GABRG3: variants seen among roughly 807,000 people sequenced by gnomAD.
The protein encoded by GABRG3 is gamma-aminobutyric acid type A receptor subunit gamma3.
GABRG3 carries 25 observed loss-of-function variants against 48.8 expected under a neutral mutation model. That is an observed-to-expected ratio of 0.51 (90% CI 0.37 to 0.72). The LOEUF (loss-of-function observed/expected upper bound fraction) is 0.72. Among genes scored for constraint, GABRG3 ranks in the 30% least tolerant of loss-of-function variants. The pLI is 0.00. For missense variants in GABRG3, 394 were observed against 577.9 expected (o/e 0.68, Z 3.26); for synonymous variants, 227 against 217.6 (o/e 1.04, Z -0.38).
chr15:27,266,942 A>G (rs1478824071), intron 3 of GABRG3, among the ~76,000 whole-genome samples: 1 of 152,094 alleles, frequency 6.6e-6, no homozygotes, highest in Non-Finnish European at 1.5e-5. Flanking sequence ...ATGAATAACT[A>G]CACTTGTACT....
At chr15:27,307,865 A>G (rs1214030288) in intron 3 of GABRG3, among the ~76,000 whole-genome samples, 1 of 134,852 alleles carries the variant, frequency 7.4e-6, no homozygotes, top group Non-Finnish European at 1.5e-5. Context: ...ATATAAATAT[A>G]TATAAATGTA....
At chr15:27,351,917 G>C (rs1328746294) in intron 5 of GABRG3, among the ~76,000 whole-genome samples, 1 of 149,428 alleles carries the variant, frequency 6.7e-6, no homozygotes, top group Non-Finnish European at 1.5e-5. Context: ...TATAGTGTGT[G>C]TGTGTTTGTG....
At chr15:27,110,566 A>G (rs945663396) in intron 3 of GABRG3, among the ~76,000 whole-genome samples, 8 of 145,498 alleles carry the variant, frequency 5.5e-5, no homozygotes, top group African/African-American at 1.9e-4. Flanking sequence ...AGGTATGCTG[A>G]CAACAAATTC....
At chr15:27,315,475 TC>T (rs1289445935) in intron 3 of GABRG3, among the ~76,000 whole-genome samples, 1 of 152,170 alleles carries the variant, frequency 6.6e-6, no homozygotes, top group African/African-American at 2.4e-5. Flanking sequence ...CAGTAGAAGG[TC>T]CTGGCACAAA....
intron 5 of GABRG3, among the ~76,000 whole-genome samples, chr15:27,335,671 G>T (rs185357888): frequency 1.3e-5 from 2 of 152,076 alleles, no homozygotes; most frequent in African/African-American, 2.4e-5. Flanking sequence ...ACCAGGGAGT[G>T]GGGGGAGGAG....
chr15:27,376,773 G>A (rs558542463), intron 5 of GABRG3, among the ~76,000 whole-genome samples: 9 of 152,106 alleles, frequency 5.9e-5, no homozygotes, highest in Non-Finnish European at 1.3e-4. Context: ...ATCATGGGAG[G>A]GGCTGTTTCA....
At chr15:27,121,033 A>G (rs1897722151) in intron 3 of GABRG3, among the ~76,000 whole-genome samples, 1 of 152,192 alleles carries the variant, frequency 6.6e-6, no homozygotes, top group African/African-American at 2.4e-5. Context: ...GCCTTGGGGA[A>G]GGAATGCCAT....
chr15:27,374,470 C>G (rs2140558789), intron 5 of GABRG3, among the ~76,000 whole-genome samples: 1 of 152,246 alleles, frequency 6.6e-6, no homozygotes, highest in Admixed American at 6.5e-5. Flanking sequence ...ATTTAGGAAT[C>G]TATCTAATAT....
intron 5 of GABRG3, among the ~76,000 whole-genome samples, chr15:27,460,145 C>T (rs188955599): frequency 7.3e-4 from 111 of 152,230 alleles, no homozygotes; most frequent in African/African-American, 2.4e-3. Flanking sequence ...GTATTATAAC[C>T]GGAAGTACCT....
chr15:27,365,590 T>G (rs1361499924), intron 5 of GABRG3: 2 of 152,222 alleles, frequency 1.3e-5, no homozygotes, highest in South Asian at 2.1e-4. Context: ...GCAGTGCTTA[T>G]GCCAGGGCAC....
chr15:27,003,944 C>T (rs1287344777), intron 2 of GABRG3, among the ~76,000 whole-genome samples: 1 of 149,508 alleles, frequency 6.7e-6, no homozygotes, highest in Non-Finnish European at 1.5e-5. Flanking sequence ...AGAGGCGCCC[C>T]TCACCTCCTG....
chr15:27,311,974 T>A (rs541878921), intron 3 of GABRG3, among the ~76,000 whole-genome samples: 2 of 151,958 alleles, frequency 1.3e-5, no homozygotes, highest in East Asian at 3.9e-4. Flanking sequence ...TGGAAAAAAA[T>A]AAATTTCCAA....
intron 3 of GABRG3, among the ~76,000 whole-genome samples, chr15:27,286,222 T>G (rs996145145): frequency 5.3e-5 from 8 of 152,216 alleles, no homozygotes; most frequent in African/African-American, 1.9e-4. Flanking sequence ...GCATCAACCC[T>G]TTACATGCAG....
chr15:27,308,239 A>T (rs1187039228), intron 3 of GABRG3, among the ~76,000 whole-genome samples: 1 of 140,716 alleles, frequency 7.1e-6, no homozygotes, highest in Non-Finnish European at 1.5e-5. Context: ...TATATATCCA[A>T]ACATATATAA....
In GABRG3 at chr15:26,976,193, TCACA is replaced by T. The variant is rs1894940015; in HGVS notation, c.54-807_54-804del. On this transcript the variant is annotated intron_variant, in intron 1 of 9. Coordinates refer to ENST00000615808, the MANE Select transcript of GABRG3 (RefSeq NM_033223.5). This position sits in a 1 kb window ranked among gnomAD's most constrained non-coding sequence, Gnocchi z 7.8. ...ATTCAGGCACTCCTGTCAGTGTGTG[TCACA>T]CGGGAGAGGAGGCTGTCCAGCTCCT... Among the ~76,000 whole-genome samples, 1 of 151,644 alleles carries T rather than the reference TCACA, an allele frequency of 6.6e-6. No homozygotes were observed. The highest frequency in any genetic ancestry group is 6.6e-5 in the Admixed American group (1 of 15,246).
rs189414901 is a variant in GABRG3 at position 27,028,839 on chromosome 15, G to A, written c.270+2018G>A. Reference sequence around the variant, plus strand: ...AAAAAAAAAAAAATCCAGTAAGATCGCTAGTCAGACCCCTCTCTCCCTGAA... The same window carrying A: ...AAAAAAAAAAAAATCCAGTAAGATCACTAGTCAGACCCCTCTCTCCCTGAA... On this transcript the variant is annotated intron_variant, in intron 3 of 9. Coordinates refer to ENST00000615808, the MANE Select transcript of GABRG3 (RefSeq NM_033223.5). Among the ~76,000 whole-genome samples the A allele has an allele frequency of 3.2e-3, 467 of 147,272 alleles. 1 individual carries two copies. Among genetic ancestry groups the A allele is most frequent in the Non-Finnish European group, 5.0e-3 (338 of 67,148 alleles).
chr15:27,492,382 A>T (rs938917972), intron 6 of GABRG3, among the ~76,000 whole-genome samples: 3 of 152,214 alleles, frequency 2.0e-5, no homozygotes, highest in African/African-American at 7.2e-5. Flanking sequence ...TCTGAAGATG[A>T]TGTGAAGTTA....
intron 3 of GABRG3, among the ~76,000 whole-genome samples, chr15:27,321,290 C>G (rs898920833): frequency 3.9e-5 from 6 of 152,168 alleles, no homozygotes; most frequent in African/African-American, 1.4e-4. Context: ...CCGCAAAGGA[C>G]TCTTAATAAG....
At chr15:27,415,273 T>G (rs1156701447) in intron 5 of GABRG3, among the ~76,000 whole-genome samples, 1 of 152,260 alleles carries the variant, frequency 6.6e-6, no homozygotes, top group South Asian at 2.1e-4. Context: ...TCTATTTCTA[T>G]CTCCTCAAGC....
Sources: allele counts gnomAD v4.1 joint callset (sites outside exome capture counted in the v4.1 genomes callset), GRCh38; gene constraint gnomAD v4.1.1; non-coding constraint Gnocchi (gnomAD v3.1); transcripts MANE v1.5; gene names NCBI Gene and HGNC (gene_info 2026-07-23, HGNC 2026-07-21).